PLXNA1: variants seen among roughly 807,000 people sequenced by gnomAD.
The protein encoded by PLXNA1 is plexin A1.
PLXNA1 carries 77 observed loss-of-function variants against 191.7 expected under a neutral mutation model. The ratio of observed to expected loss-of-function variants is 0.40; its 90% CI spans 0.33 to 0.49. The LOEUF is 0.49. Among genes scored for constraint, PLXNA1 ranks in the 20% least tolerant of loss-of-function variants. The probability of loss-of-function intolerance (pLI) is 0.63; values close to 1 mark genes in which losing one functional copy is unlikely to be tolerated. For synonymous variants in PLXNA1, 1,137 were observed against 1,156.4 expected, an observed-to-expected ratio of 0.98 and a Z score of 0.34; for missense variants, 2,110 against 2,660.2, an observed-to-expected ratio of 0.79 and a Z score of 4.55.
In PLXNA1 at chr3:127,036,060, GT is replaced by G; in HGVS notation, c.*2050del. The G allele has an allele frequency of 1.3e-5, 2 of 152,824 alleles. No individual in the cohort carries two copies. The highest frequency in any genetic ancestry group is 2.9e-5 in the Non-Finnish European group (2 of 68,092). The allele number at this position is 152,824 out of a possible 1,614,324, so 9.5% of individuals were successfully genotyped here. ...CAGTCCATATTACAGTGGCTGGGCT[GT>G]TTTTTTCAGTAGCCCCTAGCATTGG... On this transcript the variant is annotated 3_prime_UTR_variant, in exon 32 of 32. Transcript: ENST00000393409.
intron 20 of PLXNA1, among the ~76,000 whole-genome samples, chr3:127,019,157 G>A (rs1390138298): frequency 1.3e-5 from 2 of 151,184 alleles, no homozygotes; most frequent in African/African-American, 4.8e-5. Flanking sequence ...CAGGGCTCTA[G>A]GGGGCAGATA....
Position 127,011,988 on chromosome 3 carries a change from AT to A in PLXNA1, c.2144del (p.Ile715ThrfsTer8). On this transcript the variant is annotated frameshift_variant, in exon 10 of 32. Transcript: ENST00000393409. LOFTEE classifies it high-confidence loss of function. The stretch of plus-strand genomic sequence containing the variant: ...CCCACAGATCCTGCCCTCCACGCAG[AT>A]CTACGTGCCAGTGGGAGTGGTAAAA... ...DCPQILPSTQ[I>X]YVPVGVVKPI... 1 of 1,613,748 alleles carries A rather than the reference AT, an allele frequency of 6.2e-7. No homozygotes were observed. The highest frequency in any genetic ancestry group is 8.5e-7 in the Non-Finnish European group (1 of 1,179,988).
Position 127,029,061 on chromosome 3 carries a change from G to T in PLXNA1, c.4738G>T (p.Asp1580Tyr). ...DEDVTTKIDN[D>Y]WKRLNTLAHY... ...GGACGTCACCACCAAGATTGACAAC[G>T]ATTGGAAGAGGCTGAACACACTGGC... Residue 1580 changes from aspartate (D) to tyrosine (Y), a missense_variant, in exon 26 of 32, where the codon GAT becomes TAT. Asp to Tyr is a radical substitution (Grantham distance 160). This residue lies in a region of PLXNA1 where 559 missense variants were observed against 911.5 expected (regional missense o/e 0.61). Transcript: ENST00000393409. The T allele has an allele frequency of 1.2e-6, 2 of 1,613,800 alleles. No homozygotes were observed. Among genetic ancestry groups the T allele is most frequent in the Non-Finnish European group, 1.7e-6 (2 of 1,179,922 alleles).
At chr3:127,020,644 G>T (rs998883664) in intron 21 of PLXNA1, among the ~76,000 whole-genome samples, 18 of 152,226 alleles carry the variant, frequency 1.2e-4, no homozygotes, top group Non-Finnish European at 2.9e-5. Flanking sequence ...CAGGGCCTCC[G>T]TGGGATGCCA....
In PLXNA1 at chr3:127,014,029, G is replaced by A. The variant is rs771186212; in HGVS notation, c.2323G>A (p.Glu775Lys). 1.2e-6 allele frequency: 2 copies of A among 1,613,754 alleles called. No individual in the cohort carries two copies. The highest frequency in any genetic ancestry group is 1.7e-5 in the Admixed American group (1 of 60,010). Residue 775 changes from glutamate (E) to lysine (K), a missense_variant, in exon 11 of 32, where the codon GAG (glutamate) becomes AAG (lysine). This residue lies in a region of PLXNA1 where 644 missense variants were observed against 714.3 expected (regional missense o/e 0.90). Coordinates refer to ENST00000393409, the MANE Select transcript of PLXNA1 (RefSeq NM_032242.4). Reference sequence around the variant, plus strand: ...TGCCATCACCTAACAGTACTCCTACGAGGGGAACGATGTCAGCGACCTGCC... The same window carrying A: ...TGCCATCACCTAACAGTACTCCTACAAGGGGAACGATGTCAGCGACCTGCC... ...LQCQNSSYSY[E>K]GNDVSDLPVN...
At chr3:127,019,852 G>C (rs1576686195) in intron 20 of PLXNA1, among the ~76,000 whole-genome samples, 2 of 152,270 alleles carry the variant, frequency 1.3e-5, no homozygotes, top group East Asian at 3.9e-4. Flanking sequence ...CTCACCCCTG[G>C]CCGCACTCCA....
At chr3:127,029,319 T>C in intron 26 of PLXNA1, 121 bp from the exon 27 acceptor site, 1 of 944,362 alleles carries the variant, frequency 1.1e-6, no homozygotes. Flanking sequence ...CCAGACTGAG[T>C]GAGGTGGCTG....
At position 127,014,182 on chromosome 3, in the gene PLXNA1, C is replaced by G; in HGVS notation, c.2411C>G (p.Ala804Gly). The G allele has an allele frequency of 6.2e-7, 1 of 1,610,974 alleles. No homozygotes were observed. Among genetic ancestry groups the G allele is most frequent in the Non-Finnish European group, 8.5e-7 (1 of 1,178,536 alleles). ...FVIDNPQNIQ[A>G]HLYKCPALRE... ...GAGCTGACCGCACCCCTCCCCACAGCGCACCTCTACAAGTGCCCGGCCCTG... is the reference window on the plus strand; with the variant it reads ...GAGCTGACCGCACCCCTCCCCACAGGGCACCTCTACAAGTGCCCGGCCCTG... The change falls in exon 12 of 32, where the codon GCG (alanine) becomes GGG (glycine). Residue 804 changes from alanine to glycine, a missense_variant and splice_region_variant. Coordinates refer to ENST00000393409, the MANE Select transcript of PLXNA1 (RefSeq NM_032242.4).
intron 9 of PLXNA1, 150 bp downstream of exon 9, chr3:127,008,063 G>A (rs905555082): frequency 3.5e-6 from 2 of 570,560 alleles, no homozygotes; most frequent in Non-Finnish European, 6.2e-6. Flanking sequence ...CACCAGGCTG[G>A]GTCAGTGAGG....
chr3:127,031,228 C>T (rs112337688), intron 29 of PLXNA1, among the ~76,000 whole-genome samples: 9 of 152,332 alleles, frequency 5.9e-5, no homozygotes, highest in African/African-American at 9.6e-5. Flanking sequence ...CCCCCTGCTC[C>T]GGTTGGCACA....
At chr3:127,020,900 G>T (rs2079149158) in intron 21 of PLXNA1, among the ~76,000 whole-genome samples, 2 of 152,228 alleles carry the variant, frequency 1.3e-5, no homozygotes, top group Non-Finnish European at 2.9e-5. Flanking sequence ...GTCTCAGAGA[G>T]TAGGGCTTTG....
Position 127,036,965 on chromosome 3 carries a change from C to T in PLXNA1, c.*2948C>T, listed in dbSNP as rs1433868908. 1 of 152,306 alleles carries T rather than the reference C, an allele frequency of 6.6e-6. No homozygotes were observed. The highest frequency in any genetic ancestry group is 6.5e-5 in the Admixed American group (1 of 15,292). 9.4% of individuals were successfully genotyped at this position (152,306 alleles called of 1,614,324 possible). A position where few individuals can be genotyped will look rare whatever the true frequency, so the allele number is the denominator to read the frequency against. On this transcript the variant is annotated 3_prime_UTR_variant, in exon 32 of 32. Transcript: ENST00000393409. Reference sequence around the variant, plus strand: ...AGCCCCAGGACCACTGGCCCCTTGGCCTGAGGGGCTGGGGGCCCCACGACC... The same window carrying T: ...AGCCCCAGGACCACTGGCCCCTTGGTCTGAGGGGCTGGGGGCCCCACGACC...
chr3:126,987,365 G>A (rs762897055), intron 1 of PLXNA1, among the ~76,000 whole-genome samples: 1 of 152,220 alleles, frequency 6.6e-6, no homozygotes, highest in Non-Finnish European at 1.5e-5. Flanking sequence ...CGCTGACCTC[G>A]TGTGCAGGTC....
chr3:127,016,440 G>A (rs909502960), intron 15 of PLXNA1, 77 bp from the exon 16 acceptor site: 22 of 1,320,548 alleles, frequency 1.7e-5, no homozygotes, highest in East Asian at 2.3e-5. Flanking sequence ...TGTTCCCACC[G>A]TCCCTCAATG....
At chr3:127,027,662 C>T (rs940811013) in intron 23 of PLXNA1, 6 of 592,546 alleles carry the variant, frequency 1.0e-5, no homozygotes, top group Admixed American at 2.2e-5. Flanking sequence ...CCGCGTGCCA[C>T]GCCATGTTCC....
In PLXNA1 at chr3:127,027,866, C is replaced by T. The variant is rs115150324; in HGVS notation, c.4363-74C>T. On this transcript the variant is annotated intron_variant, in intron 23 of 31. Transcript: ENST00000393409. Reference sequence around the variant, plus strand: ...CTTGCCAGGAACACCATGGCTGGCACTCGACGGGTGGAGGGGCAGGTTGGG... The same window carrying T: ...CTTGCCAGGAACACCATGGCTGGCATTCGACGGGTGGAGGGGCAGGTTGGG... 1.1e-3 allele frequency: 1,792 copies of T among 1,593,100 alleles called. 9 individuals carry two copies. In the African/African-American group the frequency reaches 0.014, roughly 13 times the overall value.
chr3:126,990,659 T>A (rs6779742), intron 2 of PLXNA1, among the ~76,000 whole-genome samples: 151,922 of 152,348 alleles, frequency 1, 75,752 homozygotes, highest in Middle Eastern at 1. Flanking sequence ...CCTGAGGGTG[T>A]TGCTGGTTTT....
chr3:127,022,344 G>T lies in PLXNA1; in HGVS notation c.4295+3G>T, dbSNP rs1169126763. The T allele has an allele frequency of 3.1e-6, 5 of 1,606,210 alleles. No individual in the cohort carries two copies. The Admixed American group carries it at 8.3e-5, about 27-fold the overall frequency. On this transcript the variant is annotated splice_donor_region_variant and intron_variant, in intron 22 of 31. Transcript: ENST00000393409. ...CACCCCAAGCTGCTACTGCGCCGGT[G>T]AGCCTGGGGGGCACTGGGGTTGGGG... is the stretch of plus-strand genomic sequence containing the variant.
At chr3:127,008,580 C>T (rs562533002) in intron 9 of PLXNA1, among the ~76,000 whole-genome samples, 9 of 152,286 alleles carry the variant, frequency 5.9e-5, no homozygotes, top group African/African-American at 1.9e-4. Context: ...TGGCAGCCCC[C>T]ACCCCCATCC....
Sources: gnomAD v4.1 joint callset for allele counts (sites outside exome capture counted in the v4.1 genomes callset) on GRCh38, gnomAD v4.1.1 for gene constraint, gnomAD v4.1.1 regional missense constraint, MANE v1.5 for transcripts, NCBI Gene and HGNC (gene_info 2026-07-23, HGNC 2026-07-21) for gene names.